The following ATXN1 variants were observed in gnomAD, a reference collection of about 807,000 sequenced individuals.
The protein encoded by ATXN1 is ataxin-1.
Under a neutral mutation model 56.4 loss-of-function variants are expected in ATXN1, and 8 were observed. The observed-to-expected ratio is 0.14, with a 90% CI of 0.08 to 0.26. The LOEUF (loss-of-function observed/expected upper bound fraction) is 0.26, where lower values mean the gene tolerates loss of function less well. Ranked by LOEUF, ATXN1 falls within the 10% of genes least tolerant of loss-of-function variation. The pLI is 1.00. For synonymous variants in ATXN1, 514 were observed against 494.6 expected, an observed-to-expected ratio of 1.04 and a Z score of -0.52; for missense variants, 987 against 1,106.5, an observed-to-expected ratio of 0.89 and a Z score of 1.53.
At chr6:16,611,409 A>C (rs1462042872) in intron 3 of ATXN1, among the ~76,000 whole-genome samples, 1 of 152,358 alleles carries the variant, frequency 6.6e-6, no homozygotes, top group African/African-American at 2.4e-5. Flanking sequence ...GGAAATATCA[A>C]GGAATCATAA....
chr6:16,500,738 TAAA>T (rs1167731131), intron 5 of ATXN1, among the ~76,000 whole-genome samples: 53 of 84,592 alleles, frequency 6.3e-4, no homozygotes, highest in African/African-American at 2.0e-3. Flanking sequence ...TTCATTATGA[TAAA>T]AAAAAAAAAA....
intron 6 of ATXN1, among the ~76,000 whole-genome samples, chr6:16,330,908 C>T (rs1033763512): frequency 9.9e-5 from 15 of 151,668 alleles, no homozygotes; most frequent in South Asian, 2.1e-4. Flanking sequence ...AAGACTGGGA[C>T]GGAAATGAAA....
intron 6 of ATXN1, among the ~76,000 whole-genome samples, chr6:16,366,672 T>C (rs1457746210): frequency 6.6e-6 from 1 of 150,502 alleles, no homozygotes; most frequent in Non-Finnish European, 1.5e-5. Flanking sequence ...TCCCAGCTAC[T>C]CGGGAGGCTG....
intron 6 of ATXN1, among the ~76,000 whole-genome samples, chr6:16,408,458 C>T (rs1369400912): frequency 6.6e-6 from 1 of 151,560 alleles, no homozygotes; most frequent in Non-Finnish European, 1.5e-5. Flanking sequence ...TAAATACTTT[C>T]CTTCATCAAG....
intron 6 of ATXN1, among the ~76,000 whole-genome samples, chr6:16,448,850 A>T (rs1759686927): frequency 6.6e-6 from 1 of 152,224 alleles, no homozygotes; most frequent in Non-Finnish European, 1.5e-5. Context: ...TTTTGCTTGC[A>T]TGAAGGGTTT....
At chr6:16,428,971 G>A (rs921804969) in intron 6 of ATXN1, among the ~76,000 whole-genome samples, 9 of 151,794 alleles carry the variant, frequency 5.9e-5, no homozygotes, top group East Asian at 3.9e-4. Flanking sequence ...CGATGAACAC[G>A]CACAGAACAT....
intron 7 of ATXN1, among the ~76,000 whole-genome samples, chr6:16,308,514 G>A (rs1270080002): frequency 1.3e-5 from 2 of 152,138 alleles, no homozygotes; most frequent in Non-Finnish European, 2.9e-5. Context: ...AGAGCATAGG[G>A]AACAGGTAAT....
intron 6 of ATXN1, among the ~76,000 whole-genome samples, chr6:16,386,005 G>A (rs758668678): frequency 1.3e-5 from 2 of 152,072 alleles, no homozygotes; most frequent in African/African-American, 4.8e-5. Flanking sequence ...CACCCTTAAG[G>A]CTATTAGTCT....
At chr6:16,675,738 A>C (rs936408674) in intron 2 of ATXN1, among the ~76,000 whole-genome samples, 3 of 151,944 alleles carry the variant, frequency 2.0e-5, no homozygotes, top group African/African-American at 4.8e-5. Flanking sequence ...ATATAAAAAA[A>C]ATTAGCCAGG....
chr6:16,374,871 A>G (rs962603215), intron 6 of ATXN1, among the ~76,000 whole-genome samples: 1 of 152,278 alleles, frequency 6.6e-6, no homozygotes, highest in Non-Finnish European at 1.5e-5. Context: ...CAGTTTTCCA[A>G]GGACAAGAGG....
chr6:16,534,880 A>T (rs945076536), intron 4 of ATXN1, among the ~76,000 whole-genome samples: 1 of 152,214 alleles, frequency 6.6e-6, no homozygotes, highest in Non-Finnish European at 1.5e-5. Context: ...GCTAGGTCGC[A>T]CCAGCCCTTC....
intron 2 of ATXN1, among the ~76,000 whole-genome samples, chr6:16,664,045 A>G (rs978390292): frequency 3.3e-5 from 5 of 152,186 alleles, no homozygotes; most frequent in African/African-American, 1.2e-4. Flanking sequence ...ATTTTTTGCC[A>G]TTTAAAAATA....
chr6:16,478,111 G>A (rs548502092), intron 6 of ATXN1, among the ~76,000 whole-genome samples: 112 of 152,230 alleles, frequency 7.4e-4, no homozygotes, highest in African/African-American at 2.6e-3. Flanking sequence ...GATTATAAAC[G>A]CCAATGACAG....
chr6:16,327,687 C>CTGCTGCTGCTGA lies in ATXN1; in HGVS notation c.623_624insTCAGCAGCAGCA (p.Gln207_Gln208insHisGlnGlnGln). 3 of 1,230,772 alleles carry CTGCTGCTGCTGA rather than the reference C, an allele frequency of 2.4e-6. No homozygotes were observed. The highest frequency in any genetic ancestry group is 3.3e-5 in the South Asian group (2 of 61,158). 76.2% of individuals were successfully genotyped at this position (1,230,772 alleles called of 1,614,324 possible). A position where few individuals can be genotyped will look rare whatever the true frequency, so the allele number is the denominator to read the frequency against. On this transcript the variant is annotated inframe_insertion, in exon 7 of 8. Coordinates refer to ENST00000436367, the MANE Select transcript of ATXN1 (RefSeq NM_001128164.2). The stretch of plus-strand genomic sequence containing the variant: ...GCTGCTGCTGCTGCTGATGCTGATG[C>CTGCTGCTGCTGA]TGCTGCTGCTGCTGCTGCTGCTGCT...
intron 3 of ATXN1, among the ~76,000 whole-genome samples, chr6:16,607,125 T>A (rs998441446): frequency 1.3e-5 from 2 of 152,102 alleles, no homozygotes; most frequent in African/African-American, 4.8e-5. Flanking sequence ...CCACCCGCCT[T>A]GGCCTCCCAA....
At chr6:16,447,670 G>A (rs189237166) in intron 6 of ATXN1, among the ~76,000 whole-genome samples, 105 of 152,172 alleles carry the variant, frequency 6.9e-4, no homozygotes, top group African/African-American at 2.4e-3. Flanking sequence ...TAGCAAAGGC[G>A]CTGATAAAAA....
At chr6:16,627,932 C>A (rs532748532) in intron 3 of ATXN1, among the ~76,000 whole-genome samples, 3 of 152,108 alleles carry the variant, frequency 2.0e-5, no homozygotes, top group Non-Finnish European at 4.4e-5. Flanking sequence ...TCATCTATTC[C>A]AACCAGAAAA....
rs367545630 is a variant in ATXN1 at position 16,394,656 on chromosome 6, C to G, written c.-160-66186G>C. ...CTATAAAATTCAGCTCTGTTTAAGT[C>G]CTATCTTTTAAGTAACTAAAAAGTT... is the stretch of plus-strand genomic sequence containing the variant. On this transcript the variant is annotated intron_variant, in intron 6 of 7. Coordinates refer to ENST00000436367, the MANE Select transcript of ATXN1 (RefSeq NM_001128164.2). 2.6e-5 allele frequency among the ~76,000 whole-genome samples: 4 copies of G among 152,098 alleles called. No individual in the cohort carries two copies. In the East Asian group the frequency reaches 5.8e-4, roughly 22 times the overall value.
intron 6 of ATXN1, among the ~76,000 whole-genome samples, chr6:16,370,871 C>A (rs1762026371): frequency 6.6e-6 from 1 of 152,192 alleles, no homozygotes; most frequent in Non-Finnish European, 1.5e-5. Context: ...TCCAAAAGCA[C>A]TTGGCAAATG....
Sources: gnomAD v4.1 joint callset for allele counts (sites outside exome capture counted in the v4.1 genomes callset) on GRCh38, gnomAD v4.1.1 for gene constraint, MANE v1.5 for transcripts, NCBI Gene and HGNC (gene_info 2026-07-23, HGNC 2026-07-21) for gene names.